STAG3: variants seen among roughly 807,000 people sequenced by gnomAD.
STAG3 encodes the protein cohesin subunit SA-3.
STAG3 carries 101 observed loss-of-function variants against 160.7 expected under a neutral mutation model. The ratio of observed to expected loss-of-function variants is 0.63; its 90% CI spans 0.54 to 0.74. The LOEUF is 0.74. Among genes scored for constraint, STAG3 ranks in the 30% least tolerant of loss-of-function variants. The probability of loss-of-function intolerance (pLI) is 0.00; values close to 1 mark genes in which losing one functional copy is unlikely to be tolerated. For missense variants in STAG3, 1,188 were observed against 1,517.4 expected (o/e 0.78, Z 3.61); for synonymous variants, 519 against 585.0 (o/e 0.89, Z 1.63).
chr7:100,201,350 A>C lies in STAG3; in HGVS notation c.2219A>C (p.Gln740Pro), dbSNP rs1300408749. Residue 740 changes from glutamine (Q) to proline (P), a missense_variant and splice_region_variant, in exon 21 of 34, where the codon CAG becomes CCG. This residue lies in a region of STAG3 where 647 missense variants were observed against 717.2 expected (regional missense o/e 0.90). Transcript: ENST00000615138. ...GTGGACACAGGAGAGGTTCCTCACC[A>C]GGTGAGTGGACAGGCTAGAGATGGG... is the stretch of plus-strand genomic sequence containing the variant. ...KAVDTGEVPH[Q>P]VILPALTLVY... 1 of 1,613,878 alleles carries C rather than the reference A, an allele frequency of 6.2e-7. No individual in the cohort carries two copies. Among genetic ancestry groups the C allele is most frequent in the Non-Finnish European group, 8.5e-7 (1 of 1,179,888 alleles).
intron 5 of STAG3, 109 bp from the exon 6 acceptor site, chr7:100,188,344 A>C (rs1313862591): frequency 8.6e-6 from 7 of 816,276 alleles, no homozygotes; most frequent in Non-Finnish European, 1.5e-5. Flanking sequence ...CTCATTCCCC[A>C]CCTAAGCTCT....
rs147404484 is a variant in STAG3 at position 100,195,540 on chromosome 7, G to T, written c.941+158G>T. Among the ~76,000 whole-genome samples the T allele has an allele frequency of 2.6e-4, 39 of 152,314 alleles. No homozygotes were observed. The East Asian group carries it at 7.3e-3, about 29-fold the overall frequency. The stretch of plus-strand genomic sequence containing the variant: ...TTCTTGACAACAAATGTTTCAAATT[G>T]GTGAGGTTTAGTTTATCACCACCTA... On this transcript the variant is annotated intron_variant, in intron 9 of 33. Transcript: ENST00000615138.
intron 25 of STAG3, among the ~76,000 whole-genome samples, chr7:100,203,680 A>G (rs1025968765): frequency 1.3e-5 from 2 of 150,874 alleles, no homozygotes; most frequent in Admixed American, 1.3e-4. Flanking sequence ...ACGCCCGGCT[A>G]ATTTTTTGTA....
chr7:100,197,899 G>C, intron 11 of STAG3, 23 bp downstream of exon 11: 1 of 1,604,820 alleles, frequency 6.2e-7, no homozygotes, highest in Non-Finnish European at 8.5e-7. Flanking sequence ...GTGCTCCATG[G>C]CTTGGCTCTT....
downstream of STAG3, chr7:100,218,857 C>G (rs1584836407): frequency 4.5e-6 from 1 of 221,582 alleles, no homozygotes; most frequent in East Asian, 1.3e-4. Context: ...AAACGTGTCA[C>G]TCATCAGCGC....
At chr7:100,208,375 TAGGAA>T (rs1801858286) in intron 29 of STAG3, among the ~76,000 whole-genome samples, 1 of 152,112 alleles carries the variant, frequency 6.6e-6, no homozygotes, top group Admixed American at 6.5e-5. Flanking sequence ...TATTATCTAA[TAGGAA>T]AGGGAGAAAT....
At chr7:100,199,201 A>G in intron 14 of STAG3, 61 bp from the exon 15 acceptor site, 2 of 1,162,064 alleles carry the variant, frequency 1.7e-6, no homozygotes, top group South Asian at 1.2e-5. Context: ...TTAATCAGTA[A>G]CCACTTCGTA....
intron 5 of STAG3, 74 bp downstream of exon 5, chr7:100,186,370 T>C (rs886636259): frequency 5.9e-6 from 8 of 1,345,802 alleles, no homozygotes; most frequent in African/African-American, 1.4e-5. Context: ...TCCATTTAGA[T>C]AAGTAGGATT....
intron 16 of STAG3, 100 bp downstream of exon 16, chr7:100,199,744 C>A: frequency 3.3e-6 from 3 of 908,536 alleles, no homozygotes; most frequent in South Asian, 1.8e-5. Flanking sequence ...CTCCTTCTAC[C>A]CTTTAAAGAA....
intron 5 of STAG3, among the ~76,000 whole-genome samples, chr7:100,187,187 A>G (rs1395999493): frequency 2.0e-5 from 3 of 152,022 alleles, no homozygotes; most frequent in African/African-American, 2.4e-5. Context: ...GAGTGCCACC[A>G]TACGTGGCTA....
At chr7:100,186,540 G>A (rs537682153) in intron 5 of STAG3, among the ~76,000 whole-genome samples, 3 of 152,176 alleles carry the variant, frequency 2.0e-5, no homozygotes, top group South Asian at 2.1e-4. Context: ...GAAACATGGC[G>A]AAACCCCTAC....
intron 7 of STAG3, 54 bp from the exon 8 acceptor site, chr7:100,189,391 C>T (rs1800217403): frequency 6.4e-7 from 1 of 1,550,752 alleles, no homozygotes; most frequent in Admixed American, 2.0e-5. Context: ...TCTACTCATC[C>T]TCTCTCCTCT....
chr7:100,204,714 T>C lies in STAG3; in HGVS notation c.2890T>C (p.Phe964Leu), dbSNP rs760348422. The C allele has an allele frequency of 6.2e-7, 1 of 1,613,834 alleles. No individual in the cohort carries two copies. The highest frequency in any genetic ancestry group is 8.5e-7 in the Non-Finnish European group (1 of 1,179,964). Residue 964 changes from phenylalanine (F) to leucine (L), a missense_variant, in exon 27 of 34, where the codon TTT (phenylalanine) becomes CTT (leucine). This residue lies in a region of STAG3 where 647 missense variants were observed against 717.2 expected (regional missense o/e 0.90). Transcript: ENST00000615138. ...CGAGATGAGGGACCTGGCCCGGAGG[T>C]TTGCCTTGAGTTTTGGACCCCAGCA... ...FIEMRDLARR[F>L]ALSFGPQQLQ... is the part of the protein sequence containing the mutation.
rs1584639044 is a variant in STAG3 at position 100,178,458 on chromosome 7, A to C, written c.-65+453A>C. On this transcript the variant is annotated intron_variant, in intron 1 of 33. Coordinates refer to ENST00000615138, the MANE Select transcript of STAG3 (RefSeq NM_001282717.2). ...TATTTTTTTTCTTATTTCTTTCTTTATTTTTTTTATTTCATTTTAAAAAAC... is the reference window on the plus strand; with the variant it reads ...TATTTTTTTTCTTATTTCTTTCTTTCTTTTTTTTATTTCATTTTAAAAAAC... Among the ~76,000 whole-genome samples the C allele has an allele frequency of 1.4e-5, 2 of 148,098 alleles. 1 individual carries two copies. The highest frequency in any genetic ancestry group is 4.3e-4 in the South Asian group (2 of 4,682).
chr7:100,217,040 TGA>T (rs1344189181), downstream of STAG3, among the ~76,000 whole-genome samples: 33 of 152,212 alleles, frequency 2.2e-4, no homozygotes, highest in African/African-American at 7.5e-4. Context: ...CAGTGTGTGG[TGA>T]TGGGCTGGGG....
intron 4 of STAG3, among the ~76,000 whole-genome samples, chr7:100,185,784 G>A (rs1298752798): frequency 6.6e-6 from 1 of 152,010 alleles, no homozygotes; most frequent in Non-Finnish European, 1.5e-5. Context: ...TTTTCTTGCT[G>A]TCTCTATCTG....
At chr7:100,204,219 C>T in intron 26 of STAG3, 97 bp downstream of exon 26, 1 of 937,258 alleles carries the variant, frequency 1.1e-6, no homozygotes, top group Non-Finnish European at 1.7e-6. Flanking sequence ...AGAGCAGTAA[C>T]TTTTCTTGTT....
chr7:100,211,193 C>T lies in STAG3; in HGVS notation c.3413+8C>T, dbSNP rs1321666998. ...GTTGGATTTTGCCCAGGGGTGAGGC[C>T]ATGGAGGGAATCTGGGTGTCTGAGT... On this transcript the variant is annotated splice_region_variant and intron_variant, in intron 30 of 33. Transcript: ENST00000615138. 2 of 1,556,302 alleles carry T rather than the reference C, an allele frequency of 1.3e-6. No individual in the cohort carries two copies. The highest frequency in any genetic ancestry group is 1.7e-6 in the Non-Finnish European group (2 of 1,153,424).
chr7:100,200,593 G>C (rs780931227), intron 18 of STAG3, 51 bp downstream of exon 18: 1 of 1,589,400 alleles, frequency 6.3e-7, no homozygotes, highest in African/African-American at 1.3e-5. Flanking sequence ...AGGGCCAAAG[G>C]GTTCTATTGC....
Sources: allele counts gnomAD v4.1 joint callset (sites outside exome capture counted in the v4.1 genomes callset), GRCh38; gene constraint gnomAD v4.1.1; regional missense constraint gnomAD v4.1.1; transcripts MANE v1.5; gene names NCBI Gene and HGNC (gene_info 2026-07-23, HGNC 2026-07-21).